The following CR1L variants were observed in gnomAD, a reference collection of about 807,000 sequenced individuals.
The protein encoded by CR1L is complement component receptor 1-like protein.
Under a neutral mutation model 62.3 loss-of-function variants are expected in CR1L, and 59 were observed. That is an observed-to-expected ratio of 0.95 (90% CI 0.77 to 1.18). The LOEUF is 1.18. CR1L is among the 50% of genes most tolerant of loss of function. CR1L has a pLI of 0.00. For synonymous variants in CR1L, 279 were observed against 248.7 expected (o/e 1.12, Z -1.15); for missense variants, 700 against 702.8 (o/e 1.00, Z 0.04).
chr1:207,659,172 T>C (rs1281286508), intron 1 of CR1L: 1 of 152,364 alleles, frequency 6.6e-6, no homozygotes. Context: ...TGGCCAGACA[T>C]GGAGGATGGG....
rs1558020794 is a variant in CR1L at position 207,694,496 on chromosome 1, C to T, written c.607C>T (p.Pro203Ser). ...AAAGGTGTTTGAGCTTGTGGGTGAG[C>T]CCTCCATATACTGCACCAGCAAAGA... ...GKKVFELVGE[P>S]SIYCTSKDDQ... Residue 203 changes from proline to serine, a missense_variant, in exon 5 of 12, where the codon CCC (proline) becomes TCC (serine). By Grantham distance (74) the Pro-to-Ser change is moderately conservative. Transcript: ENST00000508064. The T allele has an allele frequency of 2.5e-6, 4 of 1,613,776 alleles. No individual in the cohort carries two copies. The highest frequency in any genetic ancestry group is 2.2e-5 in the South Asian group (2 of 91,078).
At position 207,708,182 on chromosome 1, in the gene CR1L, C is replaced by G. The variant is rs772624600; in HGVS notation, c.1333C>G (p.Arg445Gly). The G allele has an allele frequency of 6.2e-7, 1 of 1,611,162 alleles. No homozygotes were observed. Among genetic ancestry groups the G allele is most frequent in the Non-Finnish European group, 8.5e-7 (1 of 1,179,360 alleles). Residue 445 changes from arginine (R) to glycine (G), a missense_variant, in exon 10 of 12, where the codon CGA becomes GGA. Coordinates refer to ENST00000508064, the MANE Select transcript of CR1L (RefSeq NM_175710.2). ...RINYSCTTGH[R>G]LIGHSSAECI... is the part of the protein sequence containing the mutation. ...TTTTCCATTTTTTGCCTTTAGGCAC[C>G]GACTCATTGGTCACTCATCTGCTGA...
chr1:207,701,850 G>A, intron 9 of CR1L: 1 of 689,744 alleles, frequency 1.4e-6, no homozygotes, highest in Admixed American at 2.2e-5. Flanking sequence ...TTCACTGGAT[G>A]GGAAGGAAAA....
At chr1:207,659,955 C>T (rs1663382904) in intron 1 of CR1L, among the ~76,000 whole-genome samples, 2 of 152,180 alleles carry the variant, frequency 1.3e-5, no homozygotes, top group African/African-American at 2.4e-5. Flanking sequence ...GGGGGAGGAG[C>T]GTCCGACATT....
At chr1:207,667,192 C>T (rs962618833) in intron 1 of CR1L, among the ~76,000 whole-genome samples, 6 of 152,200 alleles carry the variant, frequency 3.9e-5, no homozygotes, top group East Asian at 1.9e-4. Flanking sequence ...CCCTTCCCCA[C>T]CCAATGGTTT....
chr1:207,669,629 A>G (rs540621871), intron 1 of CR1L: 2 of 1,027,066 alleles, frequency 1.9e-6, no homozygotes, highest in East Asian at 5.2e-5. Context: ...CCCGCAGAGA[A>G]CTCGCGTGCC....
intron 3 of CR1L, among the ~76,000 whole-genome samples, chr1:207,678,753 G>T (rs1285266071): frequency 6.6e-6 from 1 of 152,136 alleles, no homozygotes; most frequent in Non-Finnish European, 1.5e-5. Flanking sequence ...GTTCTGTTCC[G>T]GAGGCTGGAA....
chr1:207,717,515 C>G lies in CR1L; in HGVS notation c.1466C>G (p.Thr489Ser). The stretch of plus-strand genomic sequence containing the variant: ...ATCCTTAATGGGAGACACACAGGAA[C>G]TCCCCTTGGAGATATTCCCTATGGA... ...PAILNGRHTGTPLGDIPYGKE... is the reference protein window; with the variant it reads ...PAILNGRHTGSPLGDIPYGKE... Residue 489 changes from threonine (T) to serine (S), a missense_variant, in exon 11 of 12, where the codon ACT (threonine) becomes AGT (serine). Transcript: ENST00000508064. 1.2e-6 allele frequency: 2 copies of G among 1,613,772 alleles called. No homozygotes were observed. The highest frequency in any genetic ancestry group is 1.7e-6 in the Non-Finnish European group (2 of 1,179,692).
chr1:207,675,712 C>T (rs1663680047), intron 1 of CR1L, among the ~76,000 whole-genome samples: 1 of 152,138 alleles, frequency 6.6e-6, no homozygotes, highest in Admixed American at 6.5e-5. Context: ...ACAAAACAAA[C>T]AAGATATTTC....
intron 1 of CR1L, among the ~76,000 whole-genome samples, chr1:207,662,456 G>A (rs1193986618): frequency 2.6e-5 from 4 of 152,156 alleles, no homozygotes; most frequent in African/African-American, 9.7e-5. Context: ...TGAGGCTTGT[G>A]CATTCGTCAC....
intron 6 of CR1L, 34 bp downstream of exon 6, chr1:207,697,713 G>A: frequency 6.2e-7 from 1 of 1,613,912 alleles, no homozygotes; most frequent in East Asian, 2.2e-5. Context: ...GGTATTTTTA[G>A]CTTGCGTCTT....
intron 10 of CR1L, among the ~76,000 whole-genome samples, chr1:207,709,734 G>A (rs1664323139): frequency 6.6e-6 from 1 of 151,268 alleles, no homozygotes; most frequent in African/African-American, 2.4e-5. Flanking sequence ...CTACTTGGGA[G>A]GCTGCAGCAG....
In CR1L at chr1:207,707,630, A is replaced by AACAC. The variant is rs559669890; in HGVS notation, c.1329-547_1329-546insCACA. Among the ~76,000 whole-genome samples, 916 of 152,296 alleles carry AACAC rather than the reference A, an allele frequency of 6.0e-3. 4 individuals carry two copies. Among genetic ancestry groups the AACAC allele is most frequent in the Middle Eastern group, 0.017 (5 of 294 alleles). ...GCGACAGAGCCAGACTCCGTCTAAA[A>AACAC]AAACAAACAAACAAACAAAGCAAAT... On this transcript the variant is annotated intron_variant, in intron 9 of 11. Transcript: ENST00000508064.
At chr1:207,672,097 G>A (rs1438134749) in intron 1 of CR1L, among the ~76,000 whole-genome samples, 1 of 150,726 alleles carries the variant, frequency 6.6e-6, no homozygotes, top group Non-Finnish European at 1.5e-5. Context: ...GATCATCAGA[G>A]TCGATCAACA....
chr1:207,716,862 A>G (rs945405513), intron 10 of CR1L, among the ~76,000 whole-genome samples: 1 of 152,222 alleles, frequency 6.6e-6, no homozygotes, highest in Admixed American at 6.5e-5. Context: ...ACAGAAGAAA[A>G]GAAGGAAGAA....
chr1:207,668,596 A>G, intron 1 of CR1L, among the ~76,000 whole-genome samples: 1 of 150,988 alleles, frequency 6.6e-6, no homozygotes, highest in East Asian at 1.9e-4. Flanking sequence ...TCATCCTTGA[A>G]TACTTAACCC....
chr1:207,672,968 C>T (rs1263557645), intron 1 of CR1L, among the ~76,000 whole-genome samples: 3 of 152,162 alleles, frequency 2.0e-5, no homozygotes, highest in East Asian at 1.9e-4. Context: ...CTTAATAAGA[C>T]GAACTCCAGA....
intron 1 of CR1L, among the ~76,000 whole-genome samples, chr1:207,670,967 T>G (rs1430974774): frequency 1.3e-5 from 2 of 150,996 alleles, no homozygotes; most frequent in South Asian, 4.1e-4. Flanking sequence ...TTAAAAGAAA[T>G]GTAAGAGAAA....
intron 5 of CR1L, among the ~76,000 whole-genome samples, chr1:207,696,173 G>A (rs1664099127): frequency 6.6e-6 from 1 of 152,208 alleles, no homozygotes; most frequent in Non-Finnish European, 1.5e-5. Context: ...CACTGAGCAG[G>A]CAGCTCCCTG....
Sources: gnomAD v4.1 joint callset for allele counts (sites outside exome capture counted in the v4.1 genomes callset) on GRCh38, gnomAD v4.1.1 for gene constraint, MANE v1.5 for transcripts, NCBI Gene and HGNC (gene_info 2026-07-23, HGNC 2026-07-21) for gene names.